Variants in AFAP1 observed in about 807,000 individuals in gnomAD.
The protein encoded by AFAP1 is actin filament-associated protein 1.
A neutral mutation model predicts 93.9 loss-of-function variants in AFAP1; 75 were observed. That is an observed-to-expected ratio of 0.80 (90% CI 0.66 to 0.97). AFAP1 has a LOEUF of 0.97. AFAP1 is among the 50% of genes least tolerant of loss of function. AFAP1 has a pLI of 0.00. For synonymous variants in AFAP1, 517 were observed against 430.7 expected (o/e 1.20, Z -2.48); for missense variants, 1,201 against 1,050.8 (o/e 1.14, Z -1.98).
rs557087572 is a variant in AFAP1 at position 7,805,138 on chromosome 4, C to A, written c.1054+4476G>T. Among the ~76,000 whole-genome samples the A allele has an allele frequency of 5.3e-5, 8 of 152,310 alleles. No homozygotes were observed. In the South Asian group the frequency reaches 8.3e-4, roughly 16 times the overall value. On this transcript the variant is annotated intron_variant, in intron 9 of 17. Transcript: ENST00000420658. ...CTGGTCTTAAACTCCTGGCATCAAG[C>A]GGTCCTCTCCCCTTGGCCTCCCGAG...
intron 1 of AFAP1, among the ~76,000 whole-genome samples, chr4:7,898,980 T>C (rs1383462141): frequency 6.7e-6 from 1 of 149,998 alleles, no homozygotes; most frequent in Non-Finnish European, 1.5e-5. Context: ...GTATATACAA[T>C]GGTATTGTAT....
chr4:7,802,799 G>A (rs936827099), intron 9 of AFAP1, among the ~76,000 whole-genome samples: 14 of 152,008 alleles, frequency 9.2e-5, no homozygotes, highest in African/African-American at 1.2e-4. Context: ...ACAGGCGCCC[G>A]CCACCACACC....
At chr4:7,809,951 T>G (rs1425155968) in intron 8 of AFAP1, among the ~76,000 whole-genome samples, 188 bp from the exon 9 acceptor site, 1 of 152,186 alleles carries the variant, frequency 6.6e-6, no homozygotes, top group African/African-American at 2.4e-5. Flanking sequence ...CTTGAACTCC[T>G]GGGCACAACT....
chr4:7,883,253 C>G (rs922972947), intron 1 of AFAP1, among the ~76,000 whole-genome samples: 1 of 150,346 alleles, frequency 6.7e-6, no homozygotes, highest in African/African-American at 2.4e-5. Flanking sequence ...GATATATTCA[C>G]CATATTATTA....
intron 4 of AFAP1, among the ~76,000 whole-genome samples, chr4:7,848,868 C>T (rs1016270342): frequency 1.3e-5 from 2 of 152,180 alleles, no homozygotes; most frequent in Non-Finnish European, 2.9e-5. Flanking sequence ...AGGAACACTC[C>T]AGTAAACTAC....
chr4:7,818,874 A>G (rs1202360269), intron 7 of AFAP1, among the ~76,000 whole-genome samples: 1 of 152,212 alleles, frequency 6.6e-6, no homozygotes, highest in Non-Finnish European at 1.5e-5. Flanking sequence ...AGCTGGGAGT[A>G]ACAACACTAA....
intron 10 of AFAP1, among the ~76,000 whole-genome samples, chr4:7,795,555 G>C (rs995321991): frequency 2.0e-5 from 3 of 151,366 alleles, no homozygotes; most frequent in African/African-American, 7.3e-5. Flanking sequence ...CTCCCGAGTA[G>C]CTGGGACTAC....
intron 4 of AFAP1, among the ~76,000 whole-genome samples, chr4:7,844,650 T>C (rs539333553): frequency 6.6e-6 from 1 of 152,332 alleles, no homozygotes; most frequent in Non-Finnish European, 1.5e-5. Context: ...ACAGGGCAAG[T>C]GCCCAAATAA....
At chr4:7,779,872 A>G (rs916184077) in intron 13 of AFAP1, among the ~76,000 whole-genome samples, 2 of 152,220 alleles carry the variant, frequency 1.3e-5, no homozygotes, top group African/African-American at 4.8e-5. Flanking sequence ...CATTAAAATG[A>G]CCAAATGAGG....
intron 1 of AFAP1, among the ~76,000 whole-genome samples, chr4:7,922,940 G>C (rs1469822022): frequency 2.0e-5 from 3 of 152,232 alleles, no homozygotes; most frequent in African/African-American, 7.2e-5. Context: ...GTTACAGTGA[G>C]CTATGATGGC....
At chr4:7,879,967 T>C (rs941111327) in intron 1 of AFAP1, among the ~76,000 whole-genome samples, 1 of 151,950 alleles carries the variant, frequency 6.6e-6, no homozygotes, top group Non-Finnish European at 1.5e-5. Flanking sequence ...GCCCAGCCTT[T>C]CTGCTTTCTT....
At chr4:7,869,366 C>A (rs1268167779) in intron 2 of AFAP1, among the ~76,000 whole-genome samples, 1 of 152,246 alleles carries the variant, frequency 6.6e-6, no homozygotes, top group East Asian at 1.9e-4. Context: ...TCCCCCTCAA[C>A]TTCTACTCAG....
At chr4:7,839,194 G>A (rs1160361477) in intron 5 of AFAP1, among the ~76,000 whole-genome samples, 1 of 152,020 alleles carries the variant, frequency 6.6e-6, no homozygotes, top group Non-Finnish European at 1.5e-5. Flanking sequence ...AAATTAGCCA[G>A]GCATGGTGGC....
At chr4:7,793,866 A>G in intron 10 of AFAP1, 40 bp from the exon 11 acceptor site, 1 of 1,464,194 alleles carries the variant, frequency 6.8e-7, no homozygotes. Flanking sequence ...ATTTAACTAA[A>G]GATTTTTACA....
At chr4:7,838,352 GT>G (rs1229080812) in intron 6 of AFAP1, among the ~76,000 whole-genome samples, 171 bp downstream of exon 6, 1 of 152,174 alleles carries the variant, frequency 6.6e-6, no homozygotes, top group East Asian at 1.9e-4. Context: ...GTGACGCGGG[GT>G]TTCTGATTAA....
At chr4:7,935,660 C>G (rs977283149) in intron 1 of AFAP1, among the ~76,000 whole-genome samples, 2 of 152,166 alleles carry the variant, frequency 1.3e-5, no homozygotes, top group African/African-American at 2.4e-5. Flanking sequence ...GAAGTCGCAT[C>G]AGTCCTTACT....
At chr4:7,891,870 G>A (rs1215488222) in intron 1 of AFAP1, among the ~76,000 whole-genome samples, 1 of 151,700 alleles carries the variant, frequency 6.6e-6, no homozygotes, top group African/African-American at 2.4e-5. Flanking sequence ...GGCCAACATG[G>A]TGAAACCCCA....
At chr4:7,911,494 A>G (rs553106779) in intron 1 of AFAP1, among the ~76,000 whole-genome samples, 1 of 152,304 alleles carries the variant, frequency 6.6e-6, no homozygotes, top group Middle Eastern at 3.4e-3. Context: ...ACACAGCTCC[A>G]CTTCTCACAC....
intron 1 of AFAP1, among the ~76,000 whole-genome samples, chr4:7,928,602 G>A (rs1238075305): frequency 6.6e-6 from 1 of 152,136 alleles, no homozygotes; most frequent in African/African-American, 2.4e-5. Flanking sequence ...TGGCCAGGCT[G>A]GTCTCAAACT....
Sources: allele counts gnomAD v4.1 joint callset (sites outside exome capture counted in the v4.1 genomes callset), GRCh38; gene constraint gnomAD v4.1.1; transcripts MANE v1.5; gene names NCBI Gene and HGNC (gene_info 2026-07-23, HGNC 2026-07-21).